The following ADGRL2 variants were observed in gnomAD, a reference collection of about 807,000 sequenced individuals.
ADGRL2 encodes the protein adhesion G protein-coupled receptor L2.
A neutral mutation model predicts 157.4 loss-of-function variants in ADGRL2; 44 were observed. The ratio of observed to expected loss-of-function variants is 0.28; its 90% CI spans 0.22 to 0.36. The LOEUF (loss-of-function observed/expected upper bound fraction) is 0.36, where lower values mean the gene tolerates loss of function less well. ADGRL2 is among the 10% of genes least tolerant of loss of function. The pLI is 1.00. For missense variants in ADGRL2, 1,510 were observed against 1,768.9 expected (o/e 0.85, Z 2.63); for synonymous variants, 585 against 624.7 (o/e 0.94, Z 0.95).
chr1:81,987,066 C>T (rs752414915), intron 22 of ADGRL2, 37 bp downstream of exon 22: 4 of 1,603,122 alleles, frequency 2.5e-6, no homozygotes, highest in Non-Finnish European at 3.4e-6. Context: ...CCTTTCTTTG[C>T]TGCTAAACAG....
intron 2 of ADGRL2, among the ~76,000 whole-genome samples, chr1:81,495,905 A>G (rs1484275917): frequency 6.6e-6 from 1 of 152,180 alleles, no homozygotes; most frequent in Non-Finnish European, 1.5e-5. Context: ...AGAGGGTACA[A>G]ACATCCATTG....
intron 2 of ADGRL2, among the ~76,000 whole-genome samples, chr1:81,524,625 GA>G (rs938709686): frequency 4.6e-5 from 7 of 151,338 alleles, no homozygotes; most frequent in African/African-American, 9.7e-5. Context: ...AAATATGAAA[GA>G]AAAAAAACTT....
intron 3 of ADGRL2, among the ~76,000 whole-genome samples, chr1:81,664,364 C>A (rs1048720848): frequency 6.6e-6 from 1 of 151,782 alleles, no homozygotes; most frequent in Non-Finnish European, 1.5e-5. Context: ...ATGTGTACAC[C>A]CCCTCAGAAA....
chr1:81,633,532 G>A (rs2082054052), intron 3 of ADGRL2, among the ~76,000 whole-genome samples: 1 of 141,232 alleles, frequency 7.1e-6, no homozygotes, highest in African/African-American at 2.6e-5. Context: ...GGAAGGGGAG[G>A]TTGAAGTGAG....
intron 1 of ADGRL2, among the ~76,000 whole-genome samples, chr1:81,318,742 G>A (rs1008174598): frequency 6.6e-6 from 1 of 151,840 alleles, no homozygotes; most frequent in Non-Finnish European, 1.5e-5. Context: ...TTTATAAAAA[G>A]AGATCCTGTT....
chr1:81,661,953 G>A (rs1452847438), intron 3 of ADGRL2, among the ~76,000 whole-genome samples: 1 of 151,988 alleles, frequency 6.6e-6, no homozygotes, highest in Non-Finnish European at 1.5e-5. Flanking sequence ...TTATGATAGA[G>A]TACAGGAGAG....
intron 1 of ADGRL2, among the ~76,000 whole-genome samples, chr1:81,383,474 A>T (rs2076377195): frequency 6.6e-6 from 1 of 152,142 alleles, no homozygotes. Flanking sequence ...ATTCCTCTTT[A>T]CTTAAACAAC....
At chr1:81,941,373 G>T (rs1647939832) in intron 4 of ADGRL2, among the ~76,000 whole-genome samples, 1 of 151,570 alleles carries the variant, frequency 6.6e-6, no homozygotes, top group East Asian at 1.9e-4. Flanking sequence ...TATTCCTAAA[G>T]AGGAGGCTTT....
At position 81,350,748 on chromosome 1, in the gene ADGRL2, T is replaced by C. The variant is rs74435492; in HGVS notation, c.-302+44239T>C. 8.5e-4 allele frequency among the ~76,000 whole-genome samples: 129 copies of C among 152,326 alleles called. 3 individuals carry two copies. In the East Asian group the frequency reaches 0.023, roughly 28 times the overall value. Reference sequence around the variant, plus strand: ...TGCAATTTAACATTTTTTGGTTTTTTACATGTAGGCATTTGTTTACGCATG... The same window carrying C: ...TGCAATTTAACATTTTTTGGTTTTTCACATGTAGGCATTTGTTTACGCATG... On this transcript the variant is annotated intron_variant, in intron 1 of 24. Coordinates refer to the ADGRL2 transcript ENST00000370721.
intron 11 of ADGRL2, among the ~76,000 whole-genome samples, chr1:81,961,265 G>A (rs1655274294): frequency 5.3e-5 from 8 of 152,188 alleles, no homozygotes. Flanking sequence ...TTACTCAGCT[G>A]AGCCACATAT....
At chr1:81,906,686 T>C (rs1439711828) in intron 2 of ADGRL2, among the ~76,000 whole-genome samples, 1 of 151,866 alleles carries the variant, frequency 6.6e-6, no homozygotes, top group Non-Finnish European at 1.5e-5. Context: ...TTAGTAGTTA[T>C]ATTTTCTGTT....
rs1164087131 is a variant in ADGRL2, at chr1:81,616,679, C to CTTTTTTTTTTTTTTTTTTTTTTT, written c.-143+35714_-143+35715insTTTTTTTTTTTTTTTTTTTTTTT. Among the ~76,000 whole-genome samples the CTTTTTTTTTTTTTTTTTTTTTTT allele has an allele frequency of 3.0e-4, 32 of 105,962 alleles. 1 individual carries two copies. Among genetic ancestry groups the CTTTTTTTTTTTTTTTTTTTTTTT allele is most frequent in the African/African-American group, 4.9e-4 (13 of 26,700 alleles). The allele number at this position is 105,962 out of a possible 152,430, so 69.5% of individuals were successfully genotyped here. A position where few individuals can be genotyped will look rare whatever the true frequency, so the allele number is the denominator to read the frequency against. On this transcript the variant is annotated intron_variant, in intron 3 of 24. Coordinates refer to the ADGRL2 transcript ENST00000370721. ...TTTTTCTTTTCTTTTCTTTTCTTTTCTTTTTTTTTTTTTTTGAGACAGGGT... is the reference window on the plus strand; with the variant it reads ...TTTTTCTTTTCTTTTCTTTTCTTTTCTTTTTTTTTTTTTTTTTTTTTTTTTTTTTTTTTTTTTTGAGACAGGGT...
At chr1:81,511,672 A>T (rs769342606) in intron 2 of ADGRL2, among the ~76,000 whole-genome samples, 5 of 152,054 alleles carry the variant, frequency 3.3e-5, no homozygotes, top group Non-Finnish European at 7.4e-5. Flanking sequence ...TACTTTCCAC[A>T]TGTTTCTTAT....
intron 1 of ADGRL2, among the ~76,000 whole-genome samples, chr1:81,355,983 T>A (rs1663257522): frequency 6.6e-6 from 1 of 152,194 alleles, no homozygotes; most frequent in Non-Finnish European, 1.5e-5. Context: ...CTCCTGGTAT[T>A]ATTTTTTTAT....
chr1:81,509,677 C>A (rs2079040837), intron 2 of ADGRL2, among the ~76,000 whole-genome samples: 1 of 152,168 alleles, frequency 6.6e-6, no homozygotes, highest in Non-Finnish European at 1.5e-5. Context: ...GCTCAAGTAA[C>A]AAAGCCCTGT....
chr1:81,974,888 T>C (rs746077092), intron 17 of ADGRL2, among the ~76,000 whole-genome samples: 1 of 152,112 alleles, frequency 6.6e-6, no homozygotes, highest in Non-Finnish European at 1.5e-5. Flanking sequence ...GGTGGGTTAT[T>C]ATAAATAATA....
At chr1:81,426,684 G>C (rs940484097) in intron 1 of ADGRL2, 2 of 471,960 alleles carry the variant, frequency 4.2e-6, no homozygotes, top group Non-Finnish European at 8.3e-6. Flanking sequence ...CGTTCCAGGG[G>C]GTTTGGTTTT....
chr1:81,647,043 A>G (rs972897724), intron 3 of ADGRL2, among the ~76,000 whole-genome samples: 1 of 152,242 alleles, frequency 6.6e-6, no homozygotes, highest in Non-Finnish European at 1.5e-5. Flanking sequence ...AAGAATAAAT[A>G]TTGTTGTTCC....
intron 3 of ADGRL2, among the ~76,000 whole-genome samples, chr1:81,631,589 G>T (rs1464436767): frequency 2.6e-5 from 4 of 152,114 alleles, no homozygotes; most frequent in Non-Finnish European, 5.9e-5. Context: ...CGATATCTAG[G>T]TCCCATCACC....
Sources: gnomAD v4.1 joint callset for allele counts (sites outside exome capture counted in the v4.1 genomes callset) on GRCh38, gnomAD v4.1.1 for gene constraint, MANE v1.5 for transcripts, NCBI Gene and HGNC (gene_info 2026-07-23, HGNC 2026-07-21) for gene names.